The following MEIKIN variants were observed in gnomAD, a reference collection of about 807,000 sequenced individuals.
MEIKIN encodes meiosis-specific kinetochore protein.
chr5:131,875,289 A>C (rs1157038571), intron 9 of MEIKIN, among the ~76,000 whole-genome samples: 1 of 152,258 alleles, frequency 6.6e-6, no homozygotes, highest in East Asian at 1.9e-4. Flanking sequence ...AGGCATCTTC[A>C]GCAAAGTCTC....
intron 9 of MEIKIN, among the ~76,000 whole-genome samples, chr5:131,870,940 C>T (rs1290460634): frequency 1.3e-5 from 2 of 152,120 alleles, no homozygotes; most frequent in Non-Finnish European, 2.9e-5. Context: ...TCCGGAAAGA[C>T]CTGCCACAAC....
At chr5:131,932,886 G>T (rs1751712734) in intron 5 of MEIKIN, among the ~76,000 whole-genome samples, 1 of 152,136 alleles carries the variant, frequency 6.6e-6, no homozygotes, top group African/African-American at 2.4e-5. Flanking sequence ...TGTTTCTGGG[G>T]TATTCACATT....
intron 11 of MEIKIN, among the ~76,000 whole-genome samples, chr5:131,844,180 A>T (rs1749969879): frequency 1.3e-5 from 2 of 152,188 alleles, no homozygotes; most frequent in African/African-American, 4.8e-5. Context: ...CCATGATTCA[A>T]TCACCTCCCA....
intron 3 of MEIKIN, among the ~76,000 whole-genome samples, chr5:131,943,234 T>C (rs1012458104): frequency 6.6e-6 from 1 of 152,130 alleles, no homozygotes; most frequent in Non-Finnish European, 1.5e-5. Context: ...TTCAAAGAAA[T>C]GAAAAGTAAA....
chr5:131,886,663 C>G (rs1750801387), intron 8 of MEIKIN, among the ~76,000 whole-genome samples: 1 of 152,072 alleles, frequency 6.6e-6, no homozygotes, highest in African/African-American at 2.4e-5. Context: ...AAAGAGAATA[C>G]TTCATTTACA....
chr5:131,910,750 AAAAAG>A (rs1751321078), intron 8 of MEIKIN, among the ~76,000 whole-genome samples: 1 of 151,876 alleles, frequency 6.6e-6, no homozygotes, highest in African/African-American at 2.4e-5. Context: ...AAAAAATTGT[AAAAAG>A]AAATGTGTAA....
At chr5:131,889,127 T>C (rs942210331) in intron 8 of MEIKIN, among the ~76,000 whole-genome samples, 54 of 152,158 alleles carry the variant, frequency 3.5e-4, no homozygotes, top group African/African-American at 1.2e-3. Flanking sequence ...TGTAGTATAG[T>C]TTGGAGTTAG....
At chr5:131,833,306 C>T (rs1366024172) in intron 11 of MEIKIN, among the ~76,000 whole-genome samples, 1 of 152,172 alleles carries the variant, frequency 6.6e-6, no homozygotes, top group Non-Finnish European at 1.5e-5. Context: ...TAACAAGAGT[C>T]ACCTTTGCTC....
chr5:131,825,893 T>C (rs1749601170), intron 11 of MEIKIN, among the ~76,000 whole-genome samples: 1 of 152,166 alleles, frequency 6.6e-6, no homozygotes, highest in Non-Finnish European at 1.5e-5. Context: ...CTGCCACATG[T>C]AAGTCAAAAG....
chr5:131,924,065 A>G (rs1361088047), intron 5 of MEIKIN, among the ~76,000 whole-genome samples: 1 of 152,092 alleles, frequency 6.6e-6, no homozygotes, highest in African/African-American at 2.4e-5. Context: ...AACTCATATA[A>G]GTGGAAATAT....
At position 131,924,645 on chromosome 5, in the gene MEIKIN, T is replaced by C. The variant is rs659490; in HGVS notation, c.479-2704A>G. ...TGCTTTGGAGAAATATCTATTCAAGTTATTTGTCTATTTTTTCAATCAGGT... is the reference window on the plus strand; with the variant it reads ...TGCTTTGGAGAAATATCTATTCAAGCTATTTGTCTATTTTTTCAATCAGGT... On this transcript the variant is annotated intron_variant, in intron 5 of 12. Transcript: ENST00000442687. Among the ~76,000 whole-genome samples the C allele has an allele frequency of 9.2e-5, 14 of 152,302 alleles. No individual in the cohort carries two copies. In the East Asian group the frequency reaches 1.2e-3, roughly 13 times the overall value.
chr5:131,883,835 T>C lies in MEIKIN; in HGVS notation c.704-4787A>G, dbSNP rs75564647. 5.7e-3 allele frequency among the ~76,000 whole-genome samples: 866 copies of C among 152,292 alleles called. 7 individuals are homozygous for C. Among genetic ancestry groups the C allele is most frequent in the African/African-American group, 0.02 (820 of 41,546 alleles). On this transcript the variant is annotated intron_variant, in intron 8 of 12. Transcript: ENST00000442687. ...CCCCCCACAGCAGCCCTGTGGCATG[T>C]AGACAGAATCTGTGCATTTGGAAGG...
chr5:131,814,060 A>T (rs1221006746), intron 12 of MEIKIN, among the ~76,000 whole-genome samples: 1 of 151,800 alleles, frequency 6.6e-6, no homozygotes, highest in African/African-American at 2.4e-5. Flanking sequence ...GCTTGCTTTT[A>T]TTCTGGCATG....
At chr5:131,899,277 T>A (rs900818717) in intron 8 of MEIKIN, among the ~76,000 whole-genome samples, 1 of 152,122 alleles carries the variant, frequency 6.6e-6, no homozygotes, top group Non-Finnish European at 1.5e-5. Flanking sequence ...CTTAAAATAA[T>A]GGATTATAAG....
At chr5:131,820,523 G>A (rs888532327) in intron 11 of MEIKIN, among the ~76,000 whole-genome samples, 5 of 152,212 alleles carry the variant, frequency 3.3e-5, no homozygotes, top group African/African-American at 1.2e-4. Flanking sequence ...TTGGTATCAG[G>A]GTAATTCTGG....
intron 4 of MEIKIN, among the ~76,000 whole-genome samples, chr5:131,938,619 G>C (rs1201323268): frequency 6.6e-6 from 1 of 152,044 alleles, no homozygotes; most frequent in Non-Finnish European, 1.5e-5. Flanking sequence ...CAATTCTACA[G>C]AATGTTTTCT....
intron 4 of MEIKIN, among the ~76,000 whole-genome samples, chr5:131,938,165 C>CTT (rs3043872): frequency 1.6e-3 from 200 of 126,628 alleles, no homozygotes; most frequent in Middle Eastern, 4.3e-3. Context: ...CCCTCACCCC[C>CTT]TTTTTTTTTT....
intron 7 of MEIKIN, among the ~76,000 whole-genome samples, chr5:131,913,905 A>C (rs1751367281): frequency 6.6e-6 from 1 of 152,178 alleles, no homozygotes; most frequent in Non-Finnish European, 1.5e-5. Flanking sequence ...CCCCTCCAAA[A>C]TTCGTGTTGA....
intron 5 of MEIKIN, among the ~76,000 whole-genome samples, 154 bp from the exon 6 acceptor site, chr5:131,922,095 G>T (rs536566847): frequency 6.6e-6 from 1 of 152,122 alleles, no homozygotes; most frequent in Admixed American, 6.5e-5. Context: ...AGCCTTGATG[G>T]ATCAATATAG....
Sources: allele counts gnomAD v4.1 joint callset (sites outside exome capture counted in the v4.1 genomes callset), GRCh38; gene constraint gnomAD v4.1.1; transcripts MANE v1.5; gene names NCBI Gene and HGNC (gene_info 2026-07-23, HGNC 2026-07-21).